Variants in AUTS2 observed in about 807,000 individuals in gnomAD.
The protein encoded by AUTS2 is autism susceptibility gene 2 protein.
A neutral mutation model predicts 112.4 loss-of-function variants in AUTS2; 17 were observed. That is an observed-to-expected ratio of 0.15 (90% CI 0.10 to 0.23). The LOEUF (loss-of-function observed/expected upper bound fraction) is 0.23. AUTS2 is among the 10% of genes least tolerant of loss of function. AUTS2 has a pLI of 1.00. For missense variants in AUTS2, 1,510 were observed against 1,701.6 expected, an observed-to-expected ratio of 0.89 and a Z score of 1.98; for synonymous variants, 751 against 702.7, an observed-to-expected ratio of 1.07 and a Z score of -1.09.
Position 70,642,809 on chromosome 7 carries a change from G to A in AUTS2, c.691-55760G>A, listed in dbSNP as rs544213977. 2.9e-4 allele frequency among the ~76,000 whole-genome samples: 44 copies of A among 151,834 alleles called. 1 individual carries two copies. In the South Asian group the frequency reaches 8.7e-3, roughly 30 times the overall value. On this transcript the variant is annotated intron_variant, in intron 5 of 18. Coordinates refer to ENST00000342771, the MANE Select transcript of AUTS2 (RefSeq NM_015570.4). ...AACATGCGTGTCAACTCCCCTTCTC[G>A]TGCATCTTCCTCTGGCTCCTTGTCT...
In AUTS2 at chr7:70,787,217, T is replaced by C. The variant is rs745899098; in HGVS notation, c.2317T>C (p.Ser773Pro). The change falls in exon 18 of 19, where the codon TCA becomes CCA. Residue 773 changes from serine (S) to proline (P), a missense_variant. This residue lies in a region of AUTS2 where 788 missense variants were observed against 797.6 expected (regional missense o/e 0.99). Coordinates refer to ENST00000342771, the MANE Select transcript of AUTS2 (RefSeq NM_015570.4). ...GLGNPSVTPNSMFGHKDGPSV... is the reference protein window; with the variant it reads ...GLGNPSVTPNPMFGHKDGPSV... The stretch of plus-strand genomic sequence containing the variant: ...CCACTTCACCATTTCAGCACCCAAC[T>C]CAATGTTCGGCCACAAGGATGGCCC... The C allele has an allele frequency of 1.9e-6, 3 of 1,614,206 alleles. No homozygotes were observed. Among genetic ancestry groups the C allele is most frequent in the South Asian group, 1.1e-5 (1 of 91,088 alleles).
intron 5 of AUTS2, among the ~76,000 whole-genome samples, chr7:70,575,348 A>G (rs1299576087): frequency 6.6e-6 from 1 of 152,182 alleles, no homozygotes; most frequent in Non-Finnish European, 1.5e-5. Context: ...TTTGCCAGCC[A>G]TCATGAGTTG....
At chr7:69,990,084 A>G (rs1029850530) in intron 2 of AUTS2, among the ~76,000 whole-genome samples, 2 of 152,200 alleles carry the variant, frequency 1.3e-5, no homozygotes, top group African/African-American at 2.4e-5. Context: ...TAATTCAAAA[A>G]ACAGAAATAG....
chr7:70,043,579 TCC>T (rs1563060718), intron 2 of AUTS2, among the ~76,000 whole-genome samples: 6 of 115,578 alleles, frequency 5.2e-5, no homozygotes, highest in African/African-American at 1.1e-4. Flanking sequence ...CTTCCTTCCT[TCC>T]TTCCTTCCTT....
intron 4 of AUTS2, among the ~76,000 whole-genome samples, chr7:70,336,705 T>A (rs1399570225): frequency 6.6e-6 from 1 of 151,662 alleles, no homozygotes; most frequent in Non-Finnish European, 1.5e-5. Context: ...GGCAGAGCTG[T>A]GAAACCACCG....
chr7:70,073,404 G>C (rs960726071), intron 2 of AUTS2, among the ~76,000 whole-genome samples: 1 of 151,580 alleles, frequency 6.6e-6, no homozygotes, highest in Non-Finnish European at 1.5e-5. Context: ...CCAGCTACTC[G>C]GGGGGCTGTG....
At chr7:69,992,659 G>C (rs1798786037) in intron 2 of AUTS2, among the ~76,000 whole-genome samples, 1 of 152,160 alleles carries the variant, frequency 6.6e-6, no homozygotes, top group Non-Finnish European at 1.5e-5. Flanking sequence ...TCCAGTGGGA[G>C]GATCCCTTGA....
intron 6 of AUTS2, among the ~76,000 whole-genome samples, chr7:70,701,255 G>A (rs898716328): frequency 6.6e-6 from 1 of 152,240 alleles, no homozygotes; most frequent in Admixed American, 6.5e-5. Flanking sequence ...TGGGGGTTGG[G>A]GGGGCGCAGC....
chr7:70,298,975 C>A (rs151084211), intron 4 of AUTS2, among the ~76,000 whole-genome samples: 4 of 152,324 alleles, frequency 2.6e-5, no homozygotes, highest in Admixed American at 2.6e-4. Flanking sequence ...CTTTGCTAAT[C>A]AGATTGGCAG....
At chr7:70,115,372 G>A (rs1236282668) in intron 2 of AUTS2, among the ~76,000 whole-genome samples, 3 of 152,158 alleles carry the variant, frequency 2.0e-5, no homozygotes, top group Non-Finnish European at 2.9e-5. Flanking sequence ...ACGGGGTCTT[G>A]TTATGTTTTC....
chr7:69,745,988 C>T (rs939372437), intron 1 of AUTS2, among the ~76,000 whole-genome samples: 2 of 152,092 alleles, frequency 1.3e-5, no homozygotes, highest in Non-Finnish European at 1.5e-5. Flanking sequence ...ATCCTCCTGC[C>T]TCAACTTCTT....
At chr7:70,295,726 C>T (rs1242818786) in intron 4 of AUTS2, among the ~76,000 whole-genome samples, 1 of 152,062 alleles carries the variant, frequency 6.6e-6, no homozygotes, top group African/African-American at 2.4e-5. Flanking sequence ...CTGAGTTTTC[C>T]TTATTGTACT....
chr7:70,458,867 G>A (rs1455048015), intron 5 of AUTS2, among the ~76,000 whole-genome samples: 1 of 152,186 alleles, frequency 6.6e-6, no homozygotes, highest in African/African-American at 2.4e-5. Context: ...GGACCACTGA[G>A]GGGGAATAGC....
chr7:69,851,293 T>C (rs1792469795), intron 1 of AUTS2, among the ~76,000 whole-genome samples: 1 of 152,262 alleles, frequency 6.6e-6, no homozygotes, highest in East Asian at 1.9e-4. Flanking sequence ...TTCCTCTTAC[T>C]GTATTCTTTT....
intron 5 of AUTS2, among the ~76,000 whole-genome samples, chr7:70,638,596 G>A (rs1239674636): frequency 6.6e-6 from 1 of 151,980 alleles, no homozygotes; most frequent in African/African-American, 2.4e-5. Flanking sequence ...AGGACTGTGC[G>A]AGCGAGCACA....
chr7:70,566,263 T>C (rs1331975468), intron 5 of AUTS2, among the ~76,000 whole-genome samples: 2 of 152,214 alleles, frequency 1.3e-5, no homozygotes, highest in African/African-American at 4.8e-5. Context: ...TTCTGTCTCC[T>C]AGTCAAGCAG....
intron 1 of AUTS2, among the ~76,000 whole-genome samples, chr7:69,777,612 A>G (rs928957600): frequency 6.6e-6 from 1 of 152,198 alleles, no homozygotes; most frequent in Non-Finnish European, 1.5e-5. Context: ...TTCTTCAACT[A>G]TGCCCAGGAC....
At chr7:69,911,688 C>T (rs1795365793) in intron 2 of AUTS2, among the ~76,000 whole-genome samples, 1 of 152,152 alleles carries the variant, frequency 6.6e-6, no homozygotes, top group Non-Finnish European at 1.5e-5. Context: ...CTCCTTTCTG[C>T]AGCTGGTAGT....
At chr7:70,317,104 C>T (rs958623732) in intron 4 of AUTS2, 3 of 152,152 alleles carry the variant, frequency 2.0e-5, no homozygotes, top group Non-Finnish European at 4.4e-5. Context: ...CTCACCAGGT[C>T]ACACTGGAAA....
Sources: gnomAD v4.1 joint callset for allele counts (sites outside exome capture counted in the v4.1 genomes callset) on GRCh38, gnomAD v4.1.1 for gene constraint, gnomAD v4.1.1 regional missense constraint, MANE v1.5 for transcripts, NCBI Gene and HGNC (gene_info 2026-07-23, HGNC 2026-07-21) for gene names.